UNC5B: variants seen among roughly 807,000 people sequenced by gnomAD.
UNC5B encodes the protein netrin receptor UNC5B.
Under a neutral mutation model 103.7 loss-of-function variants are expected in UNC5B, and 56 were observed. The observed-to-expected ratio is 0.54, with a 90% confidence interval of 0.44 to 0.67. UNC5B has a LOEUF of 0.67. UNC5B is among the 30% of genes least tolerant of loss of function. The pLI is 0.00. For missense variants in UNC5B, 1,194 were observed against 1,284.5 expected (o/e 0.93, Z 1.08); for synonymous variants, 577 against 542.0 (o/e 1.06, Z -0.90).
At chr10:71,296,448 G>A in intron 14 of UNC5B, 130 bp from the exon 15 acceptor site, 1 of 1,071,546 alleles carries the variant, frequency 9.3e-7, no homozygotes, top group East Asian at 2.6e-5. Flanking sequence ...TAGGGCACTT[G>A]ACCCCTCCCT....
In UNC5B at chr10:71,300,029, CTGTGTGTGTGTGTGTGTG is replaced by C. The variant is rs10681577; in HGVS notation, c.*768_*785del. The C allele has an allele frequency of 7.5e-5, 11 of 146,648 alleles. No homozygotes were observed. The highest frequency in any genetic ancestry group is 5.5e-4 in the Admixed American group (8 of 14,640). 9.1% of individuals were successfully genotyped at this position (146,648 alleles called of 1,614,324 possible). A position where few individuals can be genotyped will look rare whatever the true frequency, so the allele number is the denominator to read the frequency against. On this transcript the variant is annotated 3_prime_UTR_variant, in exon 17 of 17. Transcript: ENST00000335350. ...CACTTCTGGCCAGGAGTGAATGTGC[CTGTGTGTGTGTGTGTGTG>C]TGTGTGTGTGTGTGTACATGTACGC...
chr10:71,247,414 C>T (rs1360652076), intron 1 of UNC5B, among the ~76,000 whole-genome samples: 1 of 152,226 alleles, frequency 6.6e-6, no homozygotes, highest in South Asian at 2.1e-4. Flanking sequence ...GCAGTCCCCT[C>T]CACCCCTGCC....
At chr10:71,215,886 TTG>T (rs1437242118) in intron 1 of UNC5B, among the ~76,000 whole-genome samples, 1 of 151,914 alleles carries the variant, frequency 6.6e-6, no homozygotes, top group Non-Finnish European at 1.5e-5. Flanking sequence ...TAGCCTGTCC[TTG>T]TCTCCCTCTG....
In UNC5B at chr10:71,296,616, G is replaced by A; in HGVS notation, c.2364G>A (p.Lys788=). 6.2e-7 allele frequency: 1 copy of A among 1,613,928 alleles called. No individual in the cohort carries two copies. Among genetic ancestry groups the A allele is most frequent in the Non-Finnish European group, 8.5e-7 (1 of 1,180,038 alleles). ...PFYHIWSGSQ[K]ALHCTFTLER... ...ATCACATTTGGAGTGGCAGCCAGAA[G>A]GCCCTCCACTGCACTTTCACCCTGG... is the stretch of plus-strand genomic sequence containing the variant. The change falls in exon 15 of 17, where the codon AAG becomes AAA. Residue 788 remains lysine, a synonymous_variant. Coordinates refer to ENST00000335350, the MANE Select transcript of UNC5B (RefSeq NM_170744.5).
At chr10:71,254,140 C>A (rs1436821564) in intron 1 of UNC5B, among the ~76,000 whole-genome samples, 1 of 152,168 alleles carries the variant, frequency 6.6e-6, no homozygotes, top group Admixed American at 6.5e-5. Context: ...TGCTCTTTCC[C>A]CTATAGCAGG....
At chr10:71,271,479 A>T (rs138962935) in intron 1 of UNC5B, among the ~76,000 whole-genome samples, 170 of 152,324 alleles carry the variant, frequency 1.1e-3, no homozygotes, top group African/African-American at 3.9e-3. Context: ...TCGGACCTGA[A>T]ACTTGGAAAA....
rs751348945 is a variant in UNC5B, at chr10:71,299,096, T to G, written c.2673-16T>G. On this transcript the variant is annotated splice_polypyrimidine_tract_variant and intron_variant, in intron 16 of 16. Transcript: ENST00000335350. ...TAAGTGCTTGGGAACCTCAGTGCCC[T>G]CCTTCCCTCTGCCAGGTACCTGAAT... The G allele has an allele frequency of 1.9e-6, 3 of 1,613,830 alleles. No homozygotes were observed. Among genetic ancestry groups the G allele is most frequent in the Non-Finnish European group, 2.5e-6 (3 of 1,179,864 alleles).
chr10:71,286,743 C>T lies in UNC5B; in HGVS notation c.607C>T (p.Leu203=), dbSNP rs1564509619. Residue 203 remains leucine, a synonymous_variant, in exon 5 of 17, where the codon CTG becomes TTG. Transcript: ENST00000335350. The part of the protein sequence containing the change: ...VIDPTQDTNF[L]LTIDHNLIIR... Reference sequence around the variant, plus strand: ...CGACCCCACCCAGGACACCAACTTCCTGCTCACCATCGACCACAACCTCAT... The same window carrying T: ...CGACCCCACCCAGGACACCAACTTCTTGCTCACCATCGACCACAACCTCAT... The T allele has an allele frequency of 6.2e-7, 1 of 1,614,232 alleles. No individual in the cohort carries two copies. Among genetic ancestry groups the T allele is most frequent in the Non-Finnish European group, 8.5e-7 (1 of 1,180,044 alleles).
intron 1 of UNC5B, among the ~76,000 whole-genome samples, chr10:71,221,680 G>T (rs921034315): frequency 6.6e-6 from 1 of 152,214 alleles, no homozygotes; most frequent in Non-Finnish European, 1.5e-5. Flanking sequence ...AGGGGGATTA[G>T]GATGATGCAA....
chr10:71,239,541 G>A (rs1016509031), intron 1 of UNC5B, among the ~76,000 whole-genome samples: 7 of 152,156 alleles, frequency 4.6e-5, no homozygotes, highest in Admixed American at 4.6e-4. Flanking sequence ...AGCCTCATGG[G>A]AGGCTGTGCA....
chr10:71,280,165 G>A, intron 2 of UNC5B, 120 bp downstream of exon 2: 1 of 1,127,964 alleles, frequency 8.9e-7, no homozygotes, highest in Non-Finnish European at 1.3e-6. Context: ...TTCCCCAAGT[G>A]CTGGCCACAT....
chr10:71,277,477 G>A (rs1324600994), intron 1 of UNC5B, among the ~76,000 whole-genome samples: 1 of 152,258 alleles, frequency 6.6e-6, no homozygotes, highest in Non-Finnish European at 1.5e-5. Flanking sequence ...GTTCTCTGCT[G>A]CCCAGATGCC....
rs550597122 is a variant in UNC5B at position 71,260,362 on chromosome 10, C to T, written c.80-19459C>T. On this transcript the variant is annotated intron_variant, in intron 1 of 16. Transcript: ENST00000335350. ...GGAGGCGAGAGAGGCGGGCTGGGCC[C>T]GGGAGCACGGAGGCCTCTAATGGCA... Among the ~76,000 whole-genome samples the T allele has an allele frequency of 4.6e-5, 7 of 152,318 alleles. No individual in the cohort carries two copies. The South Asian group carries it at 8.3e-4, about 18-fold the overall frequency.
rs925850335 is a variant in UNC5B, at chr10:71,249,826, G to C, written c.80-29995G>C. On this transcript the variant is annotated intron_variant, in intron 1 of 16. Coordinates refer to ENST00000335350, the MANE Select transcript of UNC5B (RefSeq NM_170744.5). Reference sequence around the variant, plus strand: ...GGTTACTTAGAGAATCTTCTGGAAAGGTCCCTCTTAGGGGCACTGGCCACG... The same window carrying C: ...GGTTACTTAGAGAATCTTCTGGAAACGTCCCTCTTAGGGGCACTGGCCACG... 2.6e-5 allele frequency among the ~76,000 whole-genome samples: 4 copies of C among 152,210 alleles called. No homozygotes were observed. The East Asian group carries it at 7.7e-4, about 29-fold the overall frequency.
At chr10:71,268,020 C>T (rs572951424) in intron 1 of UNC5B, among the ~76,000 whole-genome samples, 33 of 152,334 alleles carry the variant, frequency 2.2e-4, no homozygotes, top group African/African-American at 5.3e-4. Flanking sequence ...CTGGCCTCCC[C>T]GGGGCCCATG....
chr10:71,280,390 C>T (rs1318120510), intron 2 of UNC5B, among the ~76,000 whole-genome samples: 5 of 152,206 alleles, frequency 3.3e-5, no homozygotes, highest in Non-Finnish European at 4.4e-5. Context: ...CCCCACGGCA[C>T]CGACCCAGAA....
chr10:71,281,342 A>AT (rs11332290), intron 2 of UNC5B, among the ~76,000 whole-genome samples: 242 of 146,458 alleles, frequency 1.7e-3, no homozygotes, highest in South Asian at 3.7e-3. Context: ...GGAAAAAGGA[A>AT]TTTTTTTTTT....
At position 71,293,774 on chromosome 10, in the gene UNC5B, C is replaced by T. The variant is rs1417905456; in HGVS notation, c.2016C>T (p.Ile672=). 6 of 1,601,294 alleles carry T rather than the reference C, an allele frequency of 3.7e-6. 1 individual carries two copies. In the South Asian group the frequency reaches 6.7e-5, roughly 18 times the overall value. The change falls in exon 13 of 17, where the codon ATC becomes ATT. Residue 672 remains isoleucine (I), a synonymous_variant. Transcript: ENST00000335350. Reference sequence around the variant, plus strand: ...AGCTGGAGCCCAGGGCCTGTCACATCCTGCTGGACCAGCTGGGCACCTACG... The same window carrying T: ...AGCTGGAGCCCAGGGCCTGTCACATTCTGCTGGACCAGCTGGGCACCTACG... ...YCQLEPRACH[I]LLDQLGTYVF...
chr10:71,282,525 C>A (rs1295122605), intron 2 of UNC5B, among the ~76,000 whole-genome samples: 3 of 152,058 alleles, frequency 2.0e-5, no homozygotes. Flanking sequence ...ATGGATGACC[C>A]CCTTAAAAGG....
Sources: gnomAD v4.1 joint callset for allele counts (sites outside exome capture counted in the v4.1 genomes callset) on GRCh38, gnomAD v4.1.1 for gene constraint, MANE v1.5 for transcripts, NCBI Gene and HGNC (gene_info 2026-07-23, HGNC 2026-07-21) for gene names.